Variants in HEXA observed in about 807,000 individuals in gnomAD.
The protein encoded by HEXA is hexosaminidase subunit alpha.
In HEXA, 54 loss-of-function variants were observed where a neutral mutation model predicts 73.3. The ratio of observed to expected loss-of-function variants is 0.74; its 90% CI spans 0.59 to 0.92. HEXA has a LOEUF of 0.92. Ranked by LOEUF, HEXA falls within the 40% of genes least tolerant of loss-of-function variation. The pLI, the probability that HEXA is intolerant of heterozygous loss-of-function variation, is 0.00. For synonymous variants in HEXA, 230 were observed against 246.9 expected, an observed-to-expected ratio of 0.93 and a Z score of 0.64; for missense variants, 649 against 653.0, an observed-to-expected ratio of 0.99 and a Z score of 0.07.
chr15:72,367,744 T>C (rs1000435913), intron 1 of HEXA, among the ~76,000 whole-genome samples: 1 of 152,232 alleles, frequency 6.6e-6, no homozygotes, highest in Non-Finnish European at 1.5e-5. Context: ...GCTAGACACC[T>C]TGAGTTCCTT....
Position 72,341,960 on chromosome 15 carries a change from C to A in HEXA, c.*2117G>T. The A allele has an allele frequency of 6.6e-6, 1 of 152,146 alleles. No individual in the cohort carries two copies. The highest frequency in any genetic ancestry group is 1.5e-5 in the Non-Finnish European group (1 of 68,040). The allele number at this position is 152,146 out of a possible 1,614,324, so 9.4% of individuals were successfully genotyped here. The stretch of plus-strand genomic sequence containing the variant: ...CTACTGCTTTAACTCAAGTGTATCA[C>A]GATCTCTGCCTTCATCCACTTGAGA... On this transcript the variant is annotated 3_prime_UTR_variant, in exon 14 of 14. Transcript: ENST00000268097.
intron 12 of HEXA, 103 bp from the exon 13 acceptor site, chr15:72,345,653 C>A: frequency 6.4e-7 from 1 of 1,551,550 alleles, no homozygotes; most frequent in Non-Finnish European, 8.7e-7. Context: ...TGGACTCACT[C>A]AGGCCAAAGG....
At chr15:72,366,455 T>G (rs2088917143) in intron 1 of HEXA, among the ~76,000 whole-genome samples, 1 of 151,904 alleles carries the variant, frequency 6.6e-6, no homozygotes, top group Non-Finnish European at 1.5e-5. Flanking sequence ...ATTACAGGTG[T>G]GCACCACCAC....
rs1297496531 is a variant in HEXA, at chr15:72,342,379, C to G, written c.*1698G>C. The G allele has an allele frequency of 6.6e-6, 1 of 152,202 alleles. No individual in the cohort carries two copies. Among genetic ancestry groups the G allele is most frequent in the African/African-American group, 2.4e-5 (1 of 41,450 alleles). The allele number at this position is 152,202 out of a possible 1,614,324, so 9.4% of individuals were successfully genotyped here. A position where few individuals can be genotyped will look rare whatever the true frequency, so the allele number is the denominator to read the frequency against. ...GACCGAGTTTTACTCAGATCCTTCT[C>G]AGCCCTGCCTTCCTGAAGTTTCTGT... On this transcript the variant is annotated 3_prime_UTR_variant, in exon 14 of 14. Transcript: ENST00000268097.
Position 72,348,110 on chromosome 15 carries a change from G to A in HEXA, c.1011C>T (p.Asp337=), listed in dbSNP as rs1175300517. The A allele has an allele frequency of 6.2e-7, 1 of 1,612,898 alleles. No individual in the cohort carries two copies. Among genetic ancestry groups the A allele is most frequent in the African/African-American group, 1.3e-5 (1 of 74,878 alleles). ...CACCGAAGCCTTTCTTCCTCATAAA[G>A]TCCTGGATCTCTGGGTTGGACTTCC... The part of the protein sequence containing the change: ...TCWKSNPEIQ[D]FMRKKGFGED... The change falls in exon 9 of 14, where the codon GAC becomes GAT. Residue 337 remains aspartate, a synonymous_variant. Transcript: ENST00000268097.
At chr15:72,345,815 C>A (rs2088605362) in intron 12 of HEXA, 3 of 555,158 alleles carry the variant, frequency 5.4e-6, no homozygotes, top group Non-Finnish European at 9.7e-6. Context: ...TTAAAGCCAT[C>A]ATTAACCACA....
chr15:72,357,091 C>T, intron 1 of HEXA: 2 of 262,508 alleles, frequency 7.6e-6, no homozygotes, highest in South Asian at 9.3e-5. Flanking sequence ...CTGTCTAGTT[C>T]TAACATTTTT....
chr15:72,372,828 T>G (rs1185044626), intron 1 of HEXA, among the ~76,000 whole-genome samples: 1 of 152,192 alleles, frequency 6.6e-6, no homozygotes, highest in Non-Finnish European at 1.5e-5. Context: ...AGAAGTTGTA[T>G]TGCATTAGGA....
Position 72,349,189 on chromosome 15 carries a change from G to A in HEXA, c.876C>T (p.Pro292=), listed in dbSNP as rs143009489. The change falls in exon 8 of 14, where the codon CCC becomes CCT. Residue 292 remains proline (P), a synonymous_variant. Transcript: ENST00000268097. ...TGAACTCATAGGTATTATTGAGACTGGGATTCACTGGTCCAAAGGTGCCAG... is the reference window on the plus strand; with the variant it reads ...TGAACTCATAGGTATTATTGAGACTAGGATTCACTGGTCCAAAGGTGCCAG... ...EPSGTFGPVN[P]SLNNTYEFMS... The A allele has an allele frequency of 1.5e-5, 25 of 1,613,590 alleles. No individual in the cohort carries two copies. The highest frequency in any genetic ancestry group is 2.1e-5 in the Non-Finnish European group (25 of 1,179,612).
intron 7 of HEXA, among the ~76,000 whole-genome samples, chr15:72,350,065 A>G (rs953020402): frequency 3.3e-5 from 5 of 152,128 alleles, no homozygotes; most frequent in African/African-American, 4.8e-5. Context: ...CGCCCGGCCA[A>G]TATCTTCAGT....
At position 72,347,985 on chromosome 15, in the gene HEXA, G is replaced by A. The variant is rs1468086578; in HGVS notation, c.1073+63C>T. 3 of 1,187,430 alleles carry A rather than the reference G, an allele frequency of 2.5e-6. No individual in the cohort carries two copies. In the East Asian group the frequency reaches 7.0e-5, roughly 28 times the overall value. The allele number at this position is 1,187,430 out of a possible 1,614,324, so 73.6% of individuals were successfully genotyped here. A position where few individuals can be genotyped will look rare whatever the true frequency, so the allele number is the denominator to read the frequency against. ...GGCCAAGCAGGGCCTGACTCGGTAT[G>A]GAAAGGGAGGACCCCACAGGAGGAC... On this transcript the variant is annotated intron_variant, in intron 9 of 13. Coordinates refer to ENST00000268097, the MANE Select transcript of HEXA (RefSeq NM_000520.6).
At chr15:72,372,138 G>C (rs1304465195) in intron 1 of HEXA, among the ~76,000 whole-genome samples, 2 of 152,106 alleles carry the variant, frequency 1.3e-5, no homozygotes, top group Non-Finnish European at 2.9e-5. Flanking sequence ...TTCGAGACCA[G>C]TCTGGCCAAC....
chr15:72,367,697 C>T (rs2088935673), intron 1 of HEXA, among the ~76,000 whole-genome samples: 1 of 152,224 alleles, frequency 6.6e-6, no homozygotes, highest in Admixed American at 6.5e-5. Flanking sequence ...TCTTTAGCTT[C>T]AGAACTTGCT....
chr15:72,341,467 C>T lies in HEXA; in HGVS notation c.*2610G>A, dbSNP rs2088553915. ...TCCATTCACTCCTTTGCTTTGATAC[C>T]CGTTAGGCCTGCTTTGCCTCCTTAA... On this transcript the variant is annotated 3_prime_UTR_variant, in exon 14 of 14. Transcript: ENST00000268097. 2 of 151,038 alleles carry T rather than the reference C, an allele frequency of 1.3e-5. 1 individual carries two copies. The highest frequency in any genetic ancestry group is 4.2e-4 in the South Asian group (2 of 4,750). 9.4% of individuals were successfully genotyped at this position (151,038 alleles called of 1,614,324 possible).
rs1477850542 is a variant in HEXA, at chr15:72,375,725, A to G, written c.248T>C (p.Leu83Pro). 6.2e-7 allele frequency: 1 copy of G among 1,614,112 alleles called. No individual in the cohort carries two copies. Among genetic ancestry groups the G allele is most frequent in the Admixed American group, 1.7e-5 (1 of 60,036 alleles). The change falls in exon 1 of 14, where the codon CTC becomes CCC. Residue 83 changes from leucine to proline, a missense_variant. Transcript: ENST00000268097. ...GCGGGACAAGTCCGACTCACCTGTG[A>G]GGTAAGGACGGGGCCAAGACCCGGA... ...FGSGSWPRPY[L>P]TGKRHTLEKN...
At chr15:72,362,582 C>A in intron 1 of HEXA, 1 of 419,048 alleles carries the variant, frequency 2.4e-6, no homozygotes, top group Admixed American at 2.6e-5. Context: ...TATCCCCAAA[C>A]CTAGTATTTC....
chr15:72,343,374 C>A lies in HEXA; in HGVS notation c.*703G>T, dbSNP rs1007219629. ...TGTGCCACTGCACTGTCAGCCTGGGCGACAGAGTTTTTGAGACAGTCTCAA... is the reference window on the plus strand; with the variant it reads ...TGTGCCACTGCACTGTCAGCCTGGGAGACAGAGTTTTTGAGACAGTCTCAA... On this transcript the variant is annotated 3_prime_UTR_variant, in exon 14 of 14. Coordinates refer to ENST00000268097, the MANE Select transcript of HEXA (RefSeq NM_000520.6). 3 of 152,132 alleles carry A rather than the reference C, an allele frequency of 2.0e-5. No individual in the cohort carries two copies. Among genetic ancestry groups the A allele is most frequent in the African/African-American group, 4.8e-5 (2 of 41,380 alleles). 9.4% of individuals were successfully genotyped at this position (152,132 alleles called of 1,614,324 possible).
At chr15:72,372,565 T>G (rs1249922026) in intron 1 of HEXA, among the ~76,000 whole-genome samples, 1 of 152,160 alleles carries the variant, frequency 6.6e-6, no homozygotes, top group African/African-American at 2.4e-5. Context: ...GGAACTAGAT[T>G]CATTCAAGTA....
At chr15:72,347,814 C>T in intron 9 of HEXA, 56 bp from the exon 10 acceptor site, 1 of 1,522,402 alleles carries the variant, frequency 6.6e-7, no homozygotes, top group Non-Finnish European at 9.1e-7. Context: ...GGGTTCTAGA[C>T]TGTTTGTGCC....
Sources: gnomAD v4.1 joint callset for allele counts (sites outside exome capture counted in the v4.1 genomes callset) on GRCh38, gnomAD v4.1.1 for gene constraint, MANE v1.5 for transcripts, NCBI Gene and HGNC (gene_info 2026-07-23, HGNC 2026-07-21) for gene names.